Variants in CDKL4 observed in about 807,000 individuals in gnomAD.
CDKL4 encodes the protein cyclin dependent kinase like 4, also known as cyclin-dependent kinase-like 4.
Under a neutral mutation model 42.0 loss-of-function variants are expected in CDKL4, and 44 were observed. The ratio of observed to expected loss-of-function variants is 1.05; its 90% CI spans 0.82 to 1.35. The LOEUF (loss-of-function observed/expected upper bound fraction) is 1.35, where lower values mean the gene tolerates loss of function less well. Among genes scored for constraint, CDKL4 ranks in the 40% most tolerant of loss-of-function variants. CDKL4 has a pLI of 0.00. For synonymous variants in CDKL4, 120 were observed against 121.6 expected, an observed-to-expected ratio of 0.99 and a Z score of 0.09; for missense variants, 393 against 369.9, an observed-to-expected ratio of 1.06 and a Z score of -0.51.
exon 9 of CDKL4, chr2:39,179,239 G>A (rs767353955): frequency 3.1e-6 from 5 of 1,613,368 alleles, no homozygotes; most frequent in South Asian, 1.1e-5. Flanking sequence ...TTTAATTTGG[G>A]CCTCTTGAAA....
intron 8 of CDKL4, among the ~76,000 whole-genome samples, chr2:39,180,686 C>CTTTTT: frequency 8.3e-6 from 1 of 121,078 alleles, no homozygotes; most frequent in Non-Finnish European, 1.7e-5. Flanking sequence ...GAGAGAAAGA[C>CTTTTT]TTTTTTTTTT....
At chr2:39,243,263 A>G (rs2148416303) in intron 1 of CDKL4, among the ~76,000 whole-genome samples, 1 of 152,232 alleles carries the variant, frequency 6.6e-6, no homozygotes. Flanking sequence ...CAAACCAAAC[A>G]TGAATTTATA....
chr2:39,239,242 G>C (rs1001969433), intron 1 of CDKL4, among the ~76,000 whole-genome samples: 4 of 150,812 alleles, frequency 2.7e-5, no homozygotes, highest in African/African-American at 7.3e-5. Flanking sequence ...CATTAAAACT[G>C]TATAACTTCT....
chr2:39,234,883 T>TA (rs202235688), intron 1 of CDKL4, among the ~76,000 whole-genome samples: 31 of 148,694 alleles, frequency 2.1e-4, no homozygotes, highest in African/African-American at 4.7e-4. Context: ...GATAAACATT[T>TA]AAAAAAAATT....
intron 3 of CDKL4, among the ~76,000 whole-genome samples, chr2:39,213,751 G>A (rs1458403851): frequency 6.6e-6 from 1 of 151,900 alleles, no homozygotes; most frequent in Admixed American, 6.6e-5. Context: ...AAAAGAAAAG[G>A]AAAGGAATAA....
chr2:39,236,131 A>AG (rs1679357491), intron 1 of CDKL4, among the ~76,000 whole-genome samples: 2 of 151,502 alleles, frequency 1.3e-5, no homozygotes, highest in South Asian at 4.2e-4. Flanking sequence ...AATAAAAAAA[A>AG]GAACCAAATG....
downstream of CDKL4, among the ~76,000 whole-genome samples, chr2:39,174,708 T>A (rs1224227995): frequency 6.6e-6 from 1 of 152,224 alleles, no homozygotes; most frequent in African/African-American, 2.4e-5. Context: ...TAATTTTTCC[T>A]GATAGGAATA....
chr2:39,199,965 A>G (rs1031496282), intron 5 of CDKL4, among the ~76,000 whole-genome samples: 11 of 152,292 alleles, frequency 7.2e-5, no homozygotes, highest in East Asian at 3.9e-4. Context: ...TCTATTCAAC[A>G]TAGTACTGGA....
intron 5 of CDKL4, among the ~76,000 whole-genome samples, chr2:39,195,263 G>C (rs1424677341): frequency 6.6e-6 from 1 of 152,148 alleles, no homozygotes; most frequent in African/African-American, 2.4e-5. Context: ...CCTACTATAA[G>C]CATTGGCATA....
intron 5 of CDKL4, among the ~76,000 whole-genome samples, chr2:39,201,809 T>C (rs965098020): frequency 6.6e-6 from 1 of 152,058 alleles, no homozygotes; most frequent in Admixed American, 6.6e-5. Flanking sequence ...ATAAGAATAA[T>C]ACAATGGACT....
At chr2:39,239,324 G>A (rs1401987920) in intron 1 of CDKL4, among the ~76,000 whole-genome samples, 1 of 151,054 alleles carries the variant, frequency 6.6e-6, no homozygotes, top group Non-Finnish European at 1.5e-5. Flanking sequence ...GACACCATAA[G>A]CATGATTCAT....
chr2:39,210,950 T>C (rs1321324584), intron 4 of CDKL4, among the ~76,000 whole-genome samples: 1 of 152,252 alleles, frequency 6.6e-6, no homozygotes, highest in African/African-American at 2.4e-5. Flanking sequence ...CCCCTCCGTA[T>C]TGAAATGTAT....
chr2:39,240,283 G>A (rs181460426), intron 1 of CDKL4, among the ~76,000 whole-genome samples: 2 of 148,812 alleles, frequency 1.3e-5, no homozygotes, highest in African/African-American at 5.2e-5. Context: ...TAAATCAGCT[G>A]GGTGTGGTGG....
chr2:39,182,739 A>G (rs921007609), intron 8 of CDKL4, among the ~76,000 whole-genome samples: 1 of 152,256 alleles, frequency 6.6e-6, no homozygotes, highest in African/African-American at 2.4e-5. Context: ...TGAAGCTGAT[A>G]TAGTGATAGG....
intron 3 of CDKL4, among the ~76,000 whole-genome samples, chr2:39,215,149 A>G (rs1677839043): frequency 6.6e-6 from 1 of 152,214 alleles, no homozygotes; most frequent in African/African-American, 2.4e-5. Context: ...TTGTCTTGCC[A>G]ACATTTGGTT....
downstream of CDKL4, among the ~76,000 whole-genome samples, chr2:39,172,963 T>C (rs1393704019): frequency 2.0e-5 from 3 of 152,186 alleles, no homozygotes; most frequent in Non-Finnish European, 4.4e-5. Flanking sequence ...CCCTCCCCAG[T>C]GACACCTAAG....
downstream of CDKL4, among the ~76,000 whole-genome samples, chr2:39,171,550 C>A (rs138829731): frequency 1.4e-4 from 22 of 152,258 alleles, no homozygotes; most frequent in East Asian, 3.9e-3. Flanking sequence ...ATCACCAGGA[C>A]TGAAATAGAG....
chr2:39,235,411 GT>G (rs1679316745), intron 1 of CDKL4, among the ~76,000 whole-genome samples: 1 of 152,126 alleles, frequency 6.6e-6, no homozygotes, highest in African/African-American at 2.4e-5. Context: ...ACTAAATTAT[GT>G]TAAAAGAATG....
intron 5 of CDKL4, among the ~76,000 whole-genome samples, chr2:39,203,075 G>A (rs1056151518): frequency 6.6e-6 from 1 of 152,150 alleles, no homozygotes; most frequent in Non-Finnish European, 1.5e-5. Context: ...AAATTTCTGA[G>A]ACAGATGACC....
Sources: gnomAD v4.1 joint callset for allele counts (sites outside exome capture counted in the v4.1 genomes callset) on GRCh38, gnomAD v4.1.1 for gene constraint, MANE v1.5 for transcripts, NCBI Gene and HGNC (gene_info 2026-07-23, HGNC 2026-07-21) for gene names.